Variants in PDE10A observed in about 807,000 individuals in gnomAD.
PDE10A encodes cAMP and cAMP-inhibited cGMP 3',5'-cyclic phosphodiesterase 10A.
A neutral mutation model predicts 97.7 loss-of-function variants in PDE10A; 39 were observed. That is an observed-to-expected ratio of 0.40 (90% CI 0.31 to 0.52). The LOEUF is 0.52. Ranked by LOEUF, PDE10A falls within the 20% of genes least tolerant of loss-of-function variation. PDE10A has a pLI of 0.56. For synonymous variants in PDE10A, 371 were observed against 376.8 expected, an observed-to-expected ratio of 0.98 and a Z score of 0.18; for missense variants, 731 against 1,047.8, an observed-to-expected ratio of 0.70 and a Z score of 4.17.
At chr6:165,856,393 C>T (rs529746792) in intron 1 of PDE10A, among the ~76,000 whole-genome samples, 35 of 152,322 alleles carry the variant, frequency 2.3e-4, no homozygotes, top group African/African-American at 7.7e-4. Context: ...CATCTGTCTC[C>T]ATTAGCATTT....
intron 3 of PDE10A, among the ~76,000 whole-genome samples, chr6:165,451,918 T>A (rs538542761): frequency 6.6e-6 from 1 of 152,238 alleles, no homozygotes; most frequent in Non-Finnish European, 1.5e-5. Context: ...CTAGGTTGGC[T>A]GAAATCTGTT....
chr6:165,568,123 C>T (rs982855118), intron 1 of PDE10A, among the ~76,000 whole-genome samples: 31 of 151,834 alleles, frequency 2.0e-4, no homozygotes, highest in African/African-American at 4.6e-4. Context: ...CTCAGCCTCC[C>T]GAGTAGCTGG....
At chr6:165,894,042 C>T (rs1781874080) in intron 1 of PDE10A, among the ~76,000 whole-genome samples, 1 of 152,240 alleles carries the variant, frequency 6.6e-6, no homozygotes, top group South Asian at 2.1e-4. Flanking sequence ...CTCGTTGCTC[C>T]TCCTGGCATG....
At chr6:165,639,885 T>C (rs9356380) in intron 1 of PDE10A, among the ~76,000 whole-genome samples, 49,593 of 151,724 alleles carry the variant, frequency 0.33, 9,170 homozygotes, top group East Asian at 0.65. Context: ...CTGGGCAACA[T>C]AGGGAGACCT....
intron 1 of PDE10A, among the ~76,000 whole-genome samples, chr6:165,779,671 T>G (rs1417123754): frequency 1.3e-5 from 2 of 152,268 alleles, no homozygotes; most frequent in East Asian, 3.8e-4. Flanking sequence ...TGGAATTTTC[T>G]GCACACATTC....
intron 1 of PDE10A, among the ~76,000 whole-genome samples, chr6:165,744,695 C>T (rs1008224544): frequency 1.3e-5 from 2 of 151,846 alleles, no homozygotes; most frequent in African/African-American, 4.8e-5. Context: ...ACTGTTTTGA[C>T]GTGTTTGACT....
intron 1 of PDE10A, among the ~76,000 whole-genome samples, chr6:165,934,795 C>G (rs999103439): frequency 6.6e-6 from 1 of 152,164 alleles, no homozygotes; most frequent in Non-Finnish European, 1.5e-5. Flanking sequence ...GACACTACTA[C>G]TACTAATATC....
chr6:165,806,828 G>A (rs1322651505), intron 1 of PDE10A, among the ~76,000 whole-genome samples: 1 of 152,188 alleles, frequency 6.6e-6, no homozygotes, highest in Non-Finnish European at 1.5e-5. Context: ...AGCCACTTCA[G>A]GTATTGGGGT....
In PDE10A at chr6:165,418,605, G is replaced by A; in HGVS notation, c.1796+30C>T. 1.9e-6 allele frequency: 3 copies of A among 1,603,554 alleles called. No homozygotes were observed. The highest frequency in any genetic ancestry group is 2.6e-6 in the Non-Finnish European group (3 of 1,176,458). ...CGGAACGCCTGCACATCTACCGTAA[G>A]AGGATAGGACATTCTACTTCTAGCT... On this transcript the variant is annotated intron_variant, in intron 11 of 21. Transcript: ENST00000539869. This position sits in a 1 kb window ranked among gnomAD's most constrained non-coding sequence, Gnocchi z 4.8.
chr6:165,959,482 T>C (rs1413889436), intron 1 of PDE10A, among the ~76,000 whole-genome samples: 1 of 152,230 alleles, frequency 6.6e-6, no homozygotes, highest in Non-Finnish European at 1.5e-5. Flanking sequence ...AAGTATTATA[T>C]ATCAATTATA....
At chr6:165,460,130 G>A (rs1031365927) in intron 3 of PDE10A, among the ~76,000 whole-genome samples, 1 of 152,300 alleles carries the variant, frequency 6.6e-6, no homozygotes, top group African/African-American at 2.4e-5. Context: ...CGGTAGTGCC[G>A]CAGTAGATTT....
At chr6:165,408,940 C>G (rs1213682431) in intron 13 of PDE10A, among the ~76,000 whole-genome samples, 1 of 151,612 alleles carries the variant, frequency 6.6e-6, no homozygotes, top group Non-Finnish European at 1.5e-5. Flanking sequence ...CCGAGGCGGG[C>G]GGATCACGAG....
intron 1 of PDE10A, among the ~76,000 whole-genome samples, chr6:165,606,069 C>T (rs920970924): frequency 2.0e-5 from 3 of 150,148 alleles, no homozygotes; most frequent in Non-Finnish European, 3.0e-5. Context: ...TGTTGAGTAA[C>T]GCAGGCAAGG....
At chr6:165,848,421 A>T (rs1384088815) in intron 1 of PDE10A, among the ~76,000 whole-genome samples, 1 of 152,172 alleles carries the variant, frequency 6.6e-6, no homozygotes, top group African/African-American at 2.4e-5. Flanking sequence ...TCGGGCTGTT[A>T]GGGAAGGTTT....
chr6:165,717,016 T>A (rs555932317), intron 1 of PDE10A, among the ~76,000 whole-genome samples: 7 of 152,340 alleles, frequency 4.6e-5, no homozygotes, highest in African/African-American at 1.7e-4. Flanking sequence ...CCTCATTTTC[T>A]GAAAACCACT....
chr6:165,526,661 C>T (rs911888600), intron 2 of PDE10A, among the ~76,000 whole-genome samples: 21 of 152,162 alleles, frequency 1.4e-4, no homozygotes, highest in Admixed American at 6.5e-4. Flanking sequence ...AGTGGATTAT[C>T]GTAAGCTTAA....
chr6:165,427,735 G>A (rs1789268038), intron 10 of PDE10A, among the ~76,000 whole-genome samples: 1 of 152,054 alleles, frequency 6.6e-6, no homozygotes, highest in African/African-American at 2.4e-5. Flanking sequence ...CCTAGCATAA[G>A]CTCAGTGTCA....
At chr6:165,772,278 G>T (rs1417865598) in intron 1 of PDE10A, among the ~76,000 whole-genome samples, 1 of 152,118 alleles carries the variant, frequency 6.6e-6, no homozygotes, top group Non-Finnish European at 1.5e-5. Flanking sequence ...ATGCATGTCC[G>T]TTATTAAATG....
intron 1 of PDE10A, among the ~76,000 whole-genome samples, chr6:165,626,050 T>C (rs558100914): frequency 1.3e-5 from 2 of 152,180 alleles, no homozygotes; most frequent in East Asian, 3.9e-4. Context: ...ATTTAGAGAT[T>C]GAGAGGATGA....
Sources: allele counts gnomAD v4.1 joint callset (sites outside exome capture counted in the v4.1 genomes callset), GRCh38; gene constraint gnomAD v4.1.1; non-coding constraint Gnocchi (gnomAD v3.1); transcripts MANE v1.5; gene names NCBI Gene and HGNC (gene_info 2026-07-23, HGNC 2026-07-21).